The following RRAS variants were observed in gnomAD, a reference collection of about 807,000 sequenced individuals.
The protein encoded by RRAS is RAS related.
RRAS carries 18 observed loss-of-function variants against 23.3 expected under a neutral mutation model. The ratio of observed to expected loss-of-function variants is 0.77; its 90% CI spans 0.53 to 1.15. The LOEUF is 1.15. RRAS is among the 50% of genes most tolerant of loss of function. The pLI is 0.00. For synonymous variants in RRAS, 133 were observed against 138.3 expected (o/e 0.96, Z 0.27); for missense variants, 291 against 317.1 (o/e 0.92, Z 0.62).
chr19:49,635,871 C>CCG lies in RRAS; in HGVS notation c.454-20_454-19insCG. 118 of 431,476 alleles carry CCG rather than the reference C, an allele frequency of 2.7e-4. No homozygotes were observed. The highest frequency in any genetic ancestry group is 6.1e-4 in the East Asian group (12 of 19,704). 26.7% of individuals were successfully genotyped at this position (431,476 alleles called of 1,614,324 possible). ...GGGGGACCTGGGGGTAGGGGGGACA[C>CCG]GGGGGAGTCAGGTCCCTGCACTCAG... On this transcript the variant is annotated intron_variant, in intron 4 of 5. Transcript: ENST00000246792.
chr19:49,640,029 G>T lies in RRAS; in HGVS notation c.70C>A (p.Pro24Thr). The T allele has an allele frequency of 6.5e-7, 1 of 1,548,110 alleles. No individual in the cohort carries two copies. Among genetic ancestry groups the T allele is most frequent in the Non-Finnish European group, 8.7e-7 (1 of 1,155,846 alleles). Reference sequence around the variant, plus strand: ...AGCTTGTGTGTCTCGCTGGGCGGGGGGTCCCCGGGCCCAGGTCCCCCGCCC... The same window carrying T: ...AGCTTGTGTGTCTCGCTGGGCGGGGTGTCCCCGGGCCCAGGTCCCCCGCCC... Reference protein sequence around the residue: ...PRGGGPGPGDPPPSETHKLVV... With the variant: ...PRGGGPGPGDTPPSETHKLVV... The change falls in exon 1 of 6, where the codon CCC becomes ACC. Residue 24 changes from proline to threonine, a missense_variant. By Grantham distance (38) the Pro-to-Thr change is conservative (BLOSUM62 -1). Transcript: ENST00000246792.
Position 49,640,045 on chromosome 19 carries a change from T to A in RRAS, c.54A>T (p.Gly18=), listed in dbSNP as rs571103858. 787 of 1,509,946 alleles carry A rather than the reference T, an allele frequency of 5.2e-4. 12 individuals are homozygous for A. The South Asian group carries it at 8.9e-3, about 17-fold the overall frequency. The allele number at this position is 1,509,946 out of a possible 1,614,324, so 93.5% of individuals were successfully genotyped here. Residue 18 remains glycine, a synonymous_variant, in exon 1 of 6, where the codon GGA becomes GGT. Transcript: ENST00000246792. The part of the protein sequence containing the change: ...GTGRGRPRGG[G]PGPGDPPPSE... ...TGGGCGGGGGGTCCCCGGGCCCAGGTCCCCCGCCCCGGGGCCGCCCCCGCC... is the reference window on the plus strand; with the variant it reads ...TGGGCGGGGGGTCCCCGGGCCCAGGACCCCCGCCCCGGGGCCGCCCCCGCC...
Position 49,637,301 on chromosome 19 carries a change from C to CTTTTTTTTTTTTT in RRAS, c.154-184_154-172dup, listed in dbSNP as rs11400258. On this transcript the variant is annotated intron_variant, in intron 1 of 5. Coordinates refer to ENST00000246792, the MANE Select transcript of RRAS (RefSeq NM_006270.5). ...CTCTGTCCCGTCTGTCTCTCTGAGTCTTTTTTTTTTTTTTTTTTTTTTGAG... is the reference window on the plus strand; with the variant it reads ...CTCTGTCCCGTCTGTCTCTCTGAGTCTTTTTTTTTTTTTTTTTTTTTTTTTTTTTTTTTTTGAG... Among the ~76,000 whole-genome samples the CTTTTTTTTTTTTT allele has an allele frequency of 3.8e-5, 4 of 104,114 alleles. 1 individual carries two copies. Among genetic ancestry groups the CTTTTTTTTTTTTT allele is most frequent in the African/African-American group, 7.4e-5 (2 of 27,008 alleles). 68.3% of individuals were successfully genotyped at this position (104,114 alleles called of 152,430 possible).
At position 49,636,289 on chromosome 19, in the gene RRAS, G is replaced by A. The variant is rs896148329; in HGVS notation, c.453+330C>T. 4.6e-5 allele frequency among the ~76,000 whole-genome samples: 7 copies of A among 152,062 alleles called. No homozygotes were observed. The highest frequency in any genetic ancestry group is 6.6e-5 in the Admixed American group (1 of 15,262). On this transcript the variant is annotated intron_variant, in intron 4 of 5. Transcript: ENST00000246792. This position sits in a 1 kb window ranked among gnomAD's most constrained non-coding sequence, Gnocchi z 4.5. The stretch of plus-strand genomic sequence containing the variant: ...GAACTGGGGAGCCATGGAGGGGGCC[G>A]GCCATGAGCAGGGGAGGTGCTGGGG...
rs1599813084 is a variant in RRAS, at chr19:49,635,746, A to C, written c.560T>G (p.Val187Gly). ...LNVDEAFEQL[V>G]RAVRKYQEQE... ...GGACTTGGCTCACCGGACAGCCCGC[A>C]CCAGCTGCTCAAAAGCCTCGTCCAC... is the stretch of plus-strand genomic sequence containing the variant. The change falls in exon 5 of 6, where the codon GTG (valine) becomes GGG (glycine). Residue 187 changes from valine (V) to glycine (G), a missense_variant. Val to Gly is a moderately radical substitution (Grantham distance 109). Transcript: ENST00000246792. 2 of 1,586,070 alleles carry C rather than the reference A, an allele frequency of 1.3e-6. No individual in the cohort carries two copies. The highest frequency in any genetic ancestry group is 1.7e-6 in the Non-Finnish European group (2 of 1,158,966).
intron 1 of RRAS, among the ~76,000 whole-genome samples, chr19:49,637,463 C>T (rs1245406544): frequency 6.6e-6 from 1 of 152,016 alleles, no homozygotes; most frequent in African/African-American, 2.4e-5. Context: ...TGCGCCACCA[C>T]ACCTGGCTAA....
Position 49,636,705 on chromosome 19 carries a change from A to T in RRAS, c.367T>A (p.Phe123Ile), listed in dbSNP as rs199656328. 3.1e-6 allele frequency: 5 copies of T among 1,614,062 alleles called. No individual in the cohort carries two copies. The highest frequency in any genetic ancestry group is 4.2e-6 in the Non-Finnish European group (5 of 1,179,936). The change falls in exon 4 of 6, where the codon TTC becomes ATC. Residue 123 changes from phenylalanine (F) to isoleucine (I), a missense_variant. Phe to Ile is a conservative substitution (Grantham distance 21). Coordinates refer to ENST00000246792, the MANE Select transcript of RRAS (RefSeq NM_006270.5). This position sits in a 1 kb window ranked among gnomAD's most constrained non-coding sequence, Gnocchi z 4.5. ...TCCTTGACCCGCAGAATCTGCGTGAAGAGCTTGCCCACCTCGTTGAAACTG... is the reference window on the plus strand; with the variant it reads ...TCCTTGACCCGCAGAATCTGCGTGATGAGCTTGCCCACCTCGTTGAAACTG... ...RQSFNEVGKL[F>I]TQILRVKDRD...
chr19:49,636,667 G>A lies in RRAS; in HGVS notation c.405C>T (p.Phe135=). 1 of 1,614,158 alleles carries A rather than the reference G, an allele frequency of 6.2e-7. No homozygotes were observed. The highest frequency in any genetic ancestry group is 8.5e-7 in the Non-Finnish European group (1 of 1,179,992). Reference sequence around the variant, plus strand: ...CCTTGTTCCCGACCAACACAACGGGGAAGTCGTCGCGGTCCTTGACCCGCA... The same window carrying A: ...CCTTGTTCCCGACCAACACAACGGGAAAGTCGTCGCGGTCCTTGACCCGCA... ...QILRVKDRDD[F]PVVLVGNKAD... is the part of the protein sequence containing the mutation. The change falls in exon 4 of 6, where the codon TTC becomes TTT. Residue 135 remains phenylalanine (F), a synonymous_variant. Coordinates refer to ENST00000246792, the MANE Select transcript of RRAS (RefSeq NM_006270.5). The surrounding 1 kb of genome is among the most constrained non-coding windows in gnomAD (Gnocchi z 4.5).
At chr19:49,639,102 C>A (rs1213673009) in intron 1 of RRAS, among the ~76,000 whole-genome samples, 1 of 151,930 alleles carries the variant, frequency 6.6e-6, no homozygotes, top group Non-Finnish European at 1.5e-5. Flanking sequence ...GGTAGAATTT[C>A]TAGATTCTGG....
In RRAS at chr19:49,639,929, G is replaced by C. The variant is rs376005750; in HGVS notation, c.153+17C>G. On this transcript the variant is annotated intron_variant, in intron 1 of 5. Coordinates refer to ENST00000246792, the MANE Select transcript of RRAS (RefSeq NM_006270.5). Reference sequence around the variant, plus strand: ...TCTGGGTCCCGGGGGACACCCTCCCGGGTGAGGGCCCACTACCTGGATGAA... The same window carrying C: ...TCTGGGTCCCGGGGGACACCCTCCCCGGTGAGGGCCCACTACCTGGATGAA... 2 of 1,575,008 alleles carry C rather than the reference G, an allele frequency of 1.3e-6. No homozygotes were observed. The highest frequency in any genetic ancestry group is 1.7e-6 in the Non-Finnish European group (2 of 1,167,074).
intron 1 of RRAS, 147 bp downstream of exon 1, chr19:49,639,799 G>T (rs919478189): frequency 1.5e-6 from 1 of 658,724 alleles, no homozygotes; most frequent in Non-Finnish European, 2.4e-6. Flanking sequence ...AAGAGTTTAG[G>T]TTACAATCTG....
chr19:49,637,172 A>C, intron 1 of RRAS, 42 bp from the exon 2 acceptor site: 1 of 1,474,496 alleles, frequency 6.8e-7, no homozygotes, highest in Non-Finnish European at 9.4e-7. Context: ...GTGCCCCGGC[A>C]GACAGGACGA....
Position 49,636,647 on chromosome 19 carries a change from T to C in RRAS, c.425A>G (p.Asn142Ser). 6.2e-7 allele frequency: 1 copy of C among 1,614,060 alleles called. No homozygotes were observed. Among genetic ancestry groups the C allele is most frequent in the East Asian group, 2.2e-5 (1 of 44,882 alleles). Residue 142 changes from asparagine to serine, a missense_variant, in exon 4 of 6, where the codon AAC becomes AGC. By Grantham distance (46) the Asn-to-Ser change is conservative. Transcript: ENST00000246792. This position sits in a 1 kb window ranked among gnomAD's most constrained non-coding sequence, Gnocchi z 4.5. Reference sequence around the variant, plus strand: ...GCGCTGTGACTCCAGATCTGCCTTGTTCCCGACCAACACAACGGGGAAGTC... The same window carrying C: ...GCGCTGTGACTCCAGATCTGCCTTGCTCCCGACCAACACAACGGGGAAGTC... ...RDDFPVVLVG[N>S]KADLESQRQV... is the part of the protein sequence containing the mutation.
At chr19:49,639,899 T>C (rs1298444299) in intron 1 of RRAS, 47 bp downstream of exon 1, 4 of 1,517,378 alleles carry the variant, frequency 2.6e-6, no homozygotes, top group East Asian at 2.6e-5. Context: ...CCCCAAGGGC[T>C]CAGTTCTGGG....
Position 49,635,507 on chromosome 19 carries a change from G to T in RRAS, c.*69C>A. The T allele has an allele frequency of 2.0e-6, 2 of 1,009,148 alleles. No individual in the cohort carries two copies. The highest frequency in any genetic ancestry group is 2.8e-6 in the Non-Finnish European group (2 of 725,506). 62.5% of individuals were successfully genotyped at this position (1,009,148 alleles called of 1,614,324 possible). On this transcript the variant is annotated 3_prime_UTR_variant, in exon 6 of 6. Coordinates refer to ENST00000246792, the MANE Select transcript of RRAS (RefSeq NM_006270.5). ...AAATTGAGGCTCAGTGAGGGCCTCA[G>T]GTCACACAGCAAGGTGCGAAGGCAG...
intron 1 of RRAS, among the ~76,000 whole-genome samples, chr19:49,639,028 G>C (rs935391947): frequency 6.6e-6 from 1 of 151,990 alleles, no homozygotes; most frequent in Non-Finnish European, 1.5e-5. Flanking sequence ...TTTAAATCTC[G>C]GGTCGGAGAG....
At position 49,636,842 on chromosome 19, in the gene RRAS, G is replaced by A; in HGVS notation, c.326C>T (p.Ala109Val). ...CTGTCACCTCTGCCGGTCGTTAATG[G>A]CGAACACCAGCAGGAAGCCGTGGCC... Reference protein sequence around the residue: ...RAGHGFLLVFAINDRQSFNEV... With the variant: ...RAGHGFLLVFVINDRQSFNEV... The change falls in exon 3 of 6, where the codon GCC becomes GTC. Residue 109 changes from alanine to valine, a missense_variant. By Grantham distance (64) the Ala-to-Val change is moderately conservative. Transcript: ENST00000246792. The surrounding 1 kb of genome is among the most constrained non-coding windows in gnomAD (Gnocchi z 4.5). The A allele has an allele frequency of 1.2e-6, 2 of 1,613,072 alleles. No individual in the cohort carries two copies. The highest frequency in any genetic ancestry group is 1.7e-6 in the Non-Finnish European group (2 of 1,179,902).
At chr19:49,639,438 CAA>C (rs60691134) in intron 1 of RRAS, among the ~76,000 whole-genome samples, 6 of 120,388 alleles carry the variant, frequency 5.0e-5, no homozygotes, top group Non-Finnish European at 3.4e-5. Flanking sequence ...GACTCTGTCT[CAA>C]AAAAAAAAAA....
At chr19:49,639,887 C>T (rs572993725) in intron 1 of RRAS, 59 bp downstream of exon 1, 153 of 1,442,714 alleles carry the variant, frequency 1.1e-4, no homozygotes, top group Admixed American at 1.3e-4. Context: ...TCTCGGGGAT[C>T]CCCCCAAGGG....
Sources: allele counts gnomAD v4.1 joint callset (sites outside exome capture counted in the v4.1 genomes callset), GRCh38; gene constraint gnomAD v4.1.1; non-coding constraint Gnocchi (gnomAD v3.1); transcripts MANE v1.5; gene names NCBI Gene and HGNC (gene_info 2026-07-23, HGNC 2026-07-21).